TLN2: variants seen among roughly 807,000 people sequenced by gnomAD.
TLN2 encodes the protein talin-2.
A neutral mutation model predicts 294.7 loss-of-function variants in TLN2; 118 were observed. The ratio of observed to expected loss-of-function variants is 0.40; its 90% CI spans 0.34 to 0.47. The LOEUF (loss-of-function observed/expected upper bound fraction) is 0.47. TLN2 is among the 20% of genes least tolerant of loss of function. The pLI is 0.84. For synonymous variants in TLN2, 1,431 were observed against 1,304.5 expected (o/e 1.10, Z -2.09); for missense variants, 3,083 against 3,282.2 (o/e 0.94, Z 1.48).
intron 1 of TLN2, among the ~76,000 whole-genome samples, chr15:62,542,383 G>A (rs2041745545): frequency 1.3e-5 from 2 of 151,986 alleles, no homozygotes; most frequent in South Asian, 4.2e-4. Flanking sequence ...GTAGAGACGG[G>A]GTTTCACCAT....
At chr15:62,706,400 C>CTTA (rs1356242387) in intron 19 of TLN2, among the ~76,000 whole-genome samples, 1 of 152,242 alleles carries the variant, frequency 6.6e-6, no homozygotes, top group East Asian at 1.9e-4. Context: ...GTCAGACCAT[C>CTTA]TTATAGCTAG....
intron 1 of TLN2, among the ~76,000 whole-genome samples, chr15:62,439,532 C>T (rs563574401): frequency 1.1e-4 from 17 of 152,262 alleles, no homozygotes; most frequent in East Asian, 7.7e-4. Flanking sequence ...AGGCTGGTCT[C>T]GAGCTCCTGA....
chr15:62,678,317 A>AG (rs2056459292), intron 11 of TLN2, among the ~76,000 whole-genome samples: 1 of 152,216 alleles, frequency 6.6e-6, no homozygotes, highest in Admixed American at 6.5e-5. Context: ...GAATGAGTCA[A>AG]TATTAAGAAT....
chr15:62,534,661 C>G (rs574617714), intron 1 of TLN2, among the ~76,000 whole-genome samples: 1 of 152,316 alleles, frequency 6.6e-6, no homozygotes, highest in Admixed American at 6.5e-5. Context: ...CTCCCCTCCT[C>G]TGAGGTTGGG....
intron 9 of TLN2, among the ~76,000 whole-genome samples, chr15:62,667,963 A>G (rs549128536): frequency 6.6e-6 from 1 of 152,366 alleles, no homozygotes; most frequent in Non-Finnish European, 1.5e-5. Flanking sequence ...GAGAAATGAA[A>G]ATACTGTGTG....
chr15:62,533,786 T>G (rs2140503794), intron 1 of TLN2, among the ~76,000 whole-genome samples: 1 of 152,300 alleles, frequency 6.6e-6, no homozygotes, highest in East Asian at 1.9e-4. Context: ...AGTTGGTCTT[T>G]CTGTCCAGCA....
intron 1 of TLN2, among the ~76,000 whole-genome samples, chr15:62,567,117 A>T (rs531305772): frequency 2.6e-5 from 4 of 152,354 alleles, no homozygotes; most frequent in African/African-American, 9.6e-5. Context: ...CATTTTCTCA[A>T]ATTCTTGTAA....
intron 52 of TLN2, among the ~76,000 whole-genome samples, chr15:62,813,070 G>A (rs2066817297): frequency 6.6e-6 from 1 of 152,228 alleles, no homozygotes; most frequent in Non-Finnish European, 1.5e-5. Flanking sequence ...GGAGGCTGGA[G>A]ATCGGAAGGA....
chr15:62,710,715 AT>A (rs1203461698), intron 21 of TLN2, among the ~76,000 whole-genome samples: 12 of 123,768 alleles, frequency 9.7e-5, no homozygotes, highest in African/African-American at 3.6e-4. Context: ...TTTTCTGCTG[AT>A]GTCCTTTTTT....
chr15:62,801,011 G>A (rs1009918146), intron 50 of TLN2, among the ~76,000 whole-genome samples: 5 of 152,142 alleles, frequency 3.3e-5, no homozygotes, highest in African/African-American at 1.2e-4. Flanking sequence ...GACTATTCAG[G>A]TTTACTTCCA....
intron 9 of TLN2, among the ~76,000 whole-genome samples, chr15:62,672,802 G>A (rs2055588520): frequency 6.6e-6 from 1 of 152,068 alleles, no homozygotes; most frequent in Non-Finnish European, 1.5e-5. Flanking sequence ...TCGGGGGGTT[G>A]CCACCAGGTT....
chr15:62,656,019 A>G lies in TLN2; in HGVS notation c.593A>G (p.Lys198Arg). The change falls in exon 8 of 59, where the codon AAG becomes AGG. Residue 198 changes from lysine to arginine, a missense_variant. Lys to Arg is a conservative substitution (Grantham distance 26, BLOSUM62 2). Coordinates refer to ENST00000636159, the MANE Select transcript of TLN2 (RefSeq NM_015059.3). ...AACGAAACGTTGCTGCTTAGACGGA[A>G]GTTCTTTTACTCTGATCAGAATGTA... ...DENETLLLRRKFFYSDQNVDS... is the reference protein window; with the variant it reads ...DENETLLLRRRFFYSDQNVDS... The G allele has an allele frequency of 6.2e-7, 1 of 1,614,186 alleles. No homozygotes were observed. The highest frequency in any genetic ancestry group is 8.5e-7 in the Non-Finnish European group (1 of 1,180,034).
At chr15:62,409,820 G>A (rs1047796153) in intron 1 of TLN2, among the ~76,000 whole-genome samples, 14 of 152,192 alleles carry the variant, frequency 9.2e-5, no homozygotes, top group Non-Finnish European at 4.4e-5. Flanking sequence ...CTTGACCAGT[G>A]TAATAGATCT....
Position 62,739,560 on chromosome 15 carries a change from G to A in TLN2, c.3885+15G>A, listed in dbSNP as rs757982384. 5.0e-6 allele frequency: 8 copies of A among 1,613,686 alleles called. No individual in the cohort carries two copies. The highest frequency in any genetic ancestry group is 3.3e-5 in the Admixed American group (2 of 59,978). On this transcript the variant is annotated intron_variant, in intron 31 of 58. Coordinates refer to ENST00000636159, the MANE Select transcript of TLN2 (RefSeq NM_015059.3). ...GCCAAGCTCAGGTGGGTGTGGAGGT[G>A]GTTGTCTGGAGTTGACCTTAGCCTC...
intron 45 of TLN2, among the ~76,000 whole-genome samples, chr15:62,789,955 TGGGAACCCCTTG>T (rs2064962688): frequency 6.6e-6 from 1 of 152,206 alleles, no homozygotes; most frequent in Non-Finnish European, 1.5e-5. Context: ...CTTGGCCAAA[TGGGAACCCCTTG>T]GGGGCCACCG....
chr15:62,741,813 C>T (rs572757955), intron 32 of TLN2, among the ~76,000 whole-genome samples: 1 of 136,970 alleles, frequency 7.3e-6, no homozygotes, highest in Non-Finnish European at 1.5e-5. Context: ...TTTAAATTGT[C>T]GGCATCAAGA....
chr15:62,408,403 A>G (rs1481189746), intron 1 of TLN2, among the ~76,000 whole-genome samples: 1 of 152,226 alleles, frequency 6.6e-6, no homozygotes, highest in Non-Finnish European at 1.5e-5. Context: ...TAGCAAGTCT[A>G]AGATGGGCCC....
At chr15:62,671,002 T>C (rs1027531241) in intron 9 of TLN2, among the ~76,000 whole-genome samples, 1 of 152,216 alleles carries the variant, frequency 6.6e-6, no homozygotes, top group Non-Finnish European at 1.5e-5. Context: ...TGGTATCACA[T>C]TGTGGTTTTT....
At chr15:62,505,308 C>A (rs992250480) in intron 1 of TLN2, among the ~76,000 whole-genome samples, 1 of 152,164 alleles carries the variant, frequency 6.6e-6, no homozygotes, top group African/African-American at 2.4e-5. Flanking sequence ...GGTTCTCCCA[C>A]CTTGCCCTCC....
Sources: gnomAD v4.1 joint callset for allele counts (sites outside exome capture counted in the v4.1 genomes callset) on GRCh38, gnomAD v4.1.1 for gene constraint, MANE v1.5 for transcripts, NCBI Gene and HGNC (gene_info 2026-07-23, HGNC 2026-07-21) for gene names.